KLHL8: variants seen among roughly 807,000 people sequenced by gnomAD.
KLHL8 encodes the protein kelch like family member 8, also known as kelch-like protein 8.
KLHL8 carries 38 observed loss-of-function variants against 63.5 expected under a neutral mutation model. That is an observed-to-expected ratio of 0.60 (90% CI 0.46 to 0.78). The LOEUF (loss-of-function observed/expected upper bound fraction) is 0.78, where lower values mean the gene tolerates loss of function less well. Ranked by LOEUF, KLHL8 falls within the 30% of genes least tolerant of loss-of-function variation. The pLI is 0.00. For synonymous variants in KLHL8, 224 were observed against 254.3 expected, an observed-to-expected ratio of 0.88 and a Z score of 1.13; for missense variants, 566 against 752.4, an observed-to-expected ratio of 0.75 and a Z score of 2.90.
intron 1 of KLHL8, among the ~76,000 whole-genome samples, chr4:87,236,271 C>T (rs575232914): frequency 6.7e-6 from 1 of 148,338 alleles, no homozygotes; most frequent in East Asian, 2.0e-4. Flanking sequence ...TGCAGTGGGG[C>T]GATCTCGGCT....
At chr4:87,221,793 T>C (rs937018640), upstream of KLHL8, among the ~76,000 whole-genome samples, 2 of 152,186 alleles carry the variant, frequency 1.3e-5, no homozygotes, top group Non-Finnish European at 2.9e-5. Context: ...GAAATATAAA[T>C]AATTCTTAAT....
intron 8 of KLHL8, among the ~76,000 whole-genome samples, chr4:87,166,524 C>G (rs1553943717): frequency 6.6e-6 from 1 of 152,158 alleles, no homozygotes; most frequent in Non-Finnish European, 1.5e-5. Context: ...CATGTATTAT[C>G]TCTTATTCTT....
chr4:87,195,589 T>C lies in KLHL8; in HGVS notation c.-50A>G. On this transcript the variant is annotated 5_prime_UTR_variant, in exon 2 of 10. Coordinates refer to ENST00000273963, the MANE Select transcript of KLHL8 (RefSeq NM_020803.5). ...GCTCTCTTCTCAAACATGCCATTTA[T>C]TTTTTTTCAAAGGGTAGAGAGAAGG... The C allele has an allele frequency of 2.7e-6, 4 of 1,492,328 alleles. No homozygotes were observed. The highest frequency in any genetic ancestry group is 3.7e-6 in the Non-Finnish European group (4 of 1,080,226). 92.4% of individuals were successfully genotyped at this position (1,492,328 alleles called of 1,614,324 possible). A position where few individuals can be genotyped will look rare whatever the true frequency, so the allele number is the denominator to read the frequency against.
Position 87,231,047 on chromosome 4 carries a change from A to T in KLHL8, n.57+9211T>A, listed in dbSNP as rs187924583. Among the ~76,000 whole-genome samples the T allele has an allele frequency of 2.6e-3, 393 of 152,268 alleles. 2 individuals carry two copies. Among genetic ancestry groups the T allele is most frequent in the Non-Finnish European group, 4.7e-3 (319 of 68,026 alleles). On this transcript the variant is annotated intron_variant and non_coding_transcript_variant, in intron 1 of 1. Coordinates refer to the KLHL8 transcript ENST00000506274. ...CTGTCTGGGTAGCCCTGGCCAGCACAGCAGGCTAGAAGTACTGAGAAGTTT... is the reference window on the plus strand; with the variant it reads ...CTGTCTGGGTAGCCCTGGCCAGCACTGCAGGCTAGAAGTACTGAGAAGTTT...
chr4:87,165,149 CAAAAA>C (rs71660120), intron 8 of KLHL8, among the ~76,000 whole-genome samples: 1 of 34,144 alleles, frequency 2.9e-5, no homozygotes, highest in Non-Finnish European at 5.4e-5. Context: ...GACTCTGTCT[CAAAAA>C]AAAAAAAAAA....
chr4:87,165,532 T>G (rs891780228), intron 8 of KLHL8, among the ~76,000 whole-genome samples: 2 of 151,810 alleles, frequency 1.3e-5, no homozygotes, highest in African/African-American at 4.8e-5. Context: ...TAGCTGGAAC[T>G]ATAGGCATAT....
In KLHL8 at chr4:87,170,509, G is replaced by A; in HGVS notation, c.1315C>T (p.Gln439Ter). 6.2e-7 allele frequency: 1 copy of A among 1,613,886 alleles called. No homozygotes were observed. The highest frequency in any genetic ancestry group is 8.5e-7 in the Non-Finnish European group (1 of 1,179,908). ...DVERYDIESD[Q>*]WSTVAPMNTP... is the part of the protein sequence containing the mutation. ...TTCATTGGTGCCACTGTACTCCACT[G>A]ATCAGATTCTATGTCATATCTCTCC... Residue 439 changes from glutamine to a stop codon, truncating the protein, a stop_gained, in exon 7 of 10, where the codon CAG becomes TAG. Transcript: ENST00000273963. LOFTEE classifies it high-confidence loss of function.
At chr4:87,207,998 A>G in intron 1 of KLHL8, 3 of 726,354 alleles carry the variant, frequency 4.1e-6, no homozygotes, top group Non-Finnish European at 7.5e-6. Context: ...GCCCTCAACA[A>G]CCACTTTGTC....
chr4:87,205,493 T>C (rs191731746), intron 1 of KLHL8, among the ~76,000 whole-genome samples: 5 of 152,294 alleles, frequency 3.3e-5, no homozygotes, highest in South Asian at 2.1e-4. Flanking sequence ...ATCGTTCTAA[T>C]TGCATGTAAA....
intron 6 of KLHL8, among the ~76,000 whole-genome samples, chr4:87,174,816 T>C (rs1730763840): frequency 6.6e-6 from 1 of 152,330 alleles, no homozygotes; most frequent in Admixed American, 6.5e-5. Context: ...GCAAAATATA[T>C]GTGATCTTTC....
intron 1 of KLHL8, among the ~76,000 whole-genome samples, chr4:87,205,852 T>A (rs1732106575): frequency 6.6e-6 from 1 of 152,296 alleles, no homozygotes; most frequent in Middle Eastern, 3.4e-3. Context: ...GAAGCCCAAG[T>A]AAGTGGTGGA....
At chr4:87,233,863 C>G (rs1733179648) in intron 1 of KLHL8, among the ~76,000 whole-genome samples, 1 of 151,986 alleles carries the variant, frequency 6.6e-6, no homozygotes, top group Non-Finnish European at 1.5e-5. Context: ...CTATTTTAAA[C>G]AATATTTTAA....
chr4:87,178,014 T>A (rs898291062), intron 5 of KLHL8, among the ~76,000 whole-genome samples: 1 of 152,178 alleles, frequency 6.6e-6, no homozygotes, highest in Admixed American at 6.5e-5. Flanking sequence ...TATGAAAATG[T>A]TTTTATATTG....
At chr4:87,168,673 T>TGTATATATGTGTGTATATATATAC in intron 8 of KLHL8, among the ~76,000 whole-genome samples, 1 of 147,174 alleles carries the variant, frequency 6.8e-6, no homozygotes, top group African/African-American at 2.6e-5. Context: ...TATATATGTG[T>TGTATATATGTGTGTATATATATAC]GTATATATGT....
At chr4:87,211,284 C>T (rs930522788) in intron 1 of KLHL8, among the ~76,000 whole-genome samples, 1 of 152,196 alleles carries the variant, frequency 6.6e-6, no homozygotes, top group Non-Finnish European at 1.5e-5. Context: ...TAATACTCTT[C>T]TTAAAATTTC....
chr4:87,198,311 CT>C (rs1434102592), intron 1 of KLHL8, among the ~76,000 whole-genome samples: 1 of 152,134 alleles, frequency 6.6e-6, no homozygotes, highest in African/African-American at 2.4e-5. Context: ...CAGAATGAGA[CT>C]GTGTCTAATA....
intron 2 of KLHL8, among the ~76,000 whole-genome samples, chr4:87,193,969 T>C (rs1731594506): frequency 6.6e-6 from 1 of 152,228 alleles, no homozygotes; most frequent in African/African-American, 2.4e-5. Flanking sequence ...ACACAGAATC[T>C]TAAAATTTCT....
intron 1 of KLHL8, among the ~76,000 whole-genome samples, chr4:87,227,994 G>A (rs1319265825): frequency 3.9e-5 from 6 of 152,138 alleles, no homozygotes; most frequent in Non-Finnish European, 7.3e-5. Flanking sequence ...CACAGAGCCA[G>A]TGATTCAATC....
intron 8 of KLHL8, among the ~76,000 whole-genome samples, chr4:87,165,971 G>A (rs1284614329): frequency 6.6e-6 from 1 of 151,654 alleles, no homozygotes; most frequent in Non-Finnish European, 1.5e-5. Context: ...AATTATAAGG[G>A]TCCAAAAGAT....
Sources: gnomAD v4.1 joint callset for allele counts (sites outside exome capture counted in the v4.1 genomes callset) on GRCh38, gnomAD v4.1.1 for gene constraint, MANE v1.5 for transcripts, NCBI Gene and HGNC (gene_info 2026-07-23, HGNC 2026-07-21) for gene names.